The following PDE7B variants were observed in gnomAD, a reference collection of about 807,000 sequenced individuals.
PDE7B encodes the protein phosphodiesterase 7B, also known as 3',5'-cyclic-AMP phosphodiesterase 7B.
In PDE7B, 29 loss-of-function variants were observed where a neutral mutation model predicts 56.2. The observed-to-expected ratio is 0.52, with a 90% CI of 0.38 to 0.70. The LOEUF (loss-of-function observed/expected upper bound fraction) is 0.70. Among genes scored for constraint, PDE7B ranks in the 30% least tolerant of loss-of-function variants. PDE7B has a pLI of 0.00. For missense variants in PDE7B, 490 were observed against 565.0 expected (o/e 0.87, Z 1.35); for synonymous variants, 197 against 196.9 (o/e 1.00, Z 0.00).
At position 136,026,587 on chromosome 6, in the gene PDE7B, C is replaced by T. The variant is rs529190937; in HGVS notation, c.82+79063C>T. On this transcript the variant is annotated intron_variant, in intron 2 of 12. Transcript: ENST00000308191. ...GTTTCTACTGCTTTATACAATATCC[C>T]AACCACACAGGCAGTACAGCAGAGT... 2.6e-5 allele frequency among the ~76,000 whole-genome samples: 4 copies of T among 152,304 alleles called. No homozygotes were observed. The East Asian group carries it at 7.7e-4, about 29-fold the overall frequency.
chr6:136,150,364 T>C (rs897340052), intron 5 of PDE7B, among the ~76,000 whole-genome samples: 2 of 152,198 alleles, frequency 1.3e-5, no homozygotes, highest in African/African-American at 2.4e-5. Context: ...AGTCTTAAAT[T>C]CATTTAGTGT....
chr6:136,031,420 G>A (rs1776243600), intron 2 of PDE7B, among the ~76,000 whole-genome samples: 1 of 152,196 alleles, frequency 6.6e-6, no homozygotes, highest in South Asian at 2.1e-4. Context: ...GATACCATTT[G>A]GCATAGCTGT....
intron 2 of PDE7B, among the ~76,000 whole-genome samples, chr6:135,977,226 G>A (rs77037823): frequency 0.03 from 4,637 of 152,200 alleles, 208 homozygotes; most frequent in African/African-American, 0.099. Flanking sequence ...GGGCTTCTGA[G>A]AGGCTGAGGG....
At chr6:136,032,999 G>A (rs910547041) in intron 2 of PDE7B, among the ~76,000 whole-genome samples, 1 of 152,194 alleles carries the variant, frequency 6.6e-6, no homozygotes, top group Non-Finnish European at 1.5e-5. Flanking sequence ...CCTTGTTGTA[G>A]CTGTTTTCTA....
rs869049424 is a variant in PDE7B at position 135,906,810 on chromosome 6, G to GTTTTTTTTTTTT, written c.22-40639_22-40628dup. On this transcript the variant is annotated intron_variant, in intron 1 of 12. Coordinates refer to ENST00000308191, the MANE Select transcript of PDE7B (RefSeq NM_018945.4). Reference sequence around the variant, plus strand: ...TTTGACTCAAATGTTAATGAGGTTTGTTTTTTTTTTTTTTTTTTTTTTTTT... The same window carrying GTTTTTTTTTTTT: ...TTTGACTCAAATGTTAATGAGGTTTGTTTTTTTTTTTTTTTTTTTTTTTTTTTTTTTTTTTTT... Among the ~76,000 whole-genome samples, 4 of 59,506 alleles carry GTTTTTTTTTTTT rather than the reference G, an allele frequency of 6.7e-5. 1 individual carries two copies. The highest frequency in any genetic ancestry group is 1.1e-3 in the East Asian group (2 of 1,856). The allele number at this position is 59,506 out of a possible 152,430, so 39.0% of individuals were successfully genotyped here. A position where few individuals can be genotyped will look rare whatever the true frequency, so the allele number is the denominator to read the frequency against.
intron 2 of PDE7B, among the ~76,000 whole-genome samples, chr6:136,022,935 G>A (rs1291521192): frequency 1.3e-5 from 2 of 152,060 alleles, no homozygotes; most frequent in South Asian, 2.1e-4. Context: ...TTAAGTCTTC[G>A]AGATTAGAGA....
At chr6:136,070,737 ACTTTT>A (rs1777035885) in intron 2 of PDE7B, among the ~76,000 whole-genome samples, 1 of 152,168 alleles carries the variant, frequency 6.6e-6, no homozygotes, top group Non-Finnish European at 1.5e-5. Context: ...CAACATATTG[ACTTTT>A]TTATTATGAC....
At chr6:136,129,494 CT>C (rs1583896838) in intron 3 of PDE7B, among the ~76,000 whole-genome samples, 1 of 152,198 alleles carries the variant, frequency 6.6e-6, no homozygotes, top group Non-Finnish European at 1.5e-5. Context: ...AACCACACCC[CT>C]CCCCACTCCC....
intron 1 of PDE7B, among the ~76,000 whole-genome samples, chr6:135,866,879 G>A (rs1775271354): frequency 6.6e-6 from 1 of 152,132 alleles, no homozygotes; most frequent in African/African-American, 2.4e-5. Context: ...AAACCCTAGA[G>A]TAAGCTTAGC....
intron 1 of PDE7B, among the ~76,000 whole-genome samples, chr6:135,858,291 T>G (rs1219187017): frequency 6.6e-6 from 1 of 152,064 alleles, no homozygotes; most frequent in Non-Finnish European, 1.5e-5. Flanking sequence ...TAGCTGAGAT[T>G]ACAGGCATGC....
intron 2 of PDE7B, among the ~76,000 whole-genome samples, chr6:136,058,776 G>A (rs1776783623): frequency 6.6e-6 from 1 of 151,944 alleles, no homozygotes; most frequent in Non-Finnish European, 1.5e-5. Flanking sequence ...GAATTCAGGG[G>A]GAAAAATAGT....
chr6:136,071,439 G>A (rs1373078767), intron 2 of PDE7B: 2 of 152,130 alleles, frequency 1.3e-5, no homozygotes, highest in East Asian at 3.8e-4. Context: ...CAGAAAGGTT[G>A]GACAAGAGGA....
At chr6:135,964,440 G>A (rs1293535215) in intron 2 of PDE7B, among the ~76,000 whole-genome samples, 3 of 152,086 alleles carry the variant, frequency 2.0e-5, no homozygotes, top group African/African-American at 7.2e-5. Flanking sequence ...CATCATACTG[G>A]AGGGAAAATC....
chr6:135,982,051 T>C (rs1243791629), intron 2 of PDE7B, among the ~76,000 whole-genome samples: 1 of 152,142 alleles, frequency 6.6e-6, no homozygotes, highest in Non-Finnish European at 1.5e-5. Flanking sequence ...TCATTGTACA[T>C]GCAGTTTGTC....
chr6:136,178,452 T>G (rs1779014166), intron 9 of PDE7B, among the ~76,000 whole-genome samples: 1 of 152,238 alleles, frequency 6.6e-6, no homozygotes, highest in Non-Finnish European at 1.5e-5. Flanking sequence ...CTAATATATC[T>G]CTTGCCCACT....
intron 1 of PDE7B, among the ~76,000 whole-genome samples, chr6:135,920,433 T>G (rs543912845): frequency 6.6e-6 from 1 of 152,318 alleles, no homozygotes; most frequent in South Asian, 2.1e-4. Context: ...ATCCTAGTTT[T>G]CAACATCTAG....
chr6:136,161,451 C>T (rs1778703008), intron 8 of PDE7B, among the ~76,000 whole-genome samples: 1 of 152,206 alleles, frequency 6.6e-6, no homozygotes, highest in South Asian at 2.1e-4. Context: ...ACTAAGAATA[C>T]ACAGAGAGTA....
In PDE7B at chr6:135,870,495, ATTTATTTAGGTGATATGTAC is replaced by A. The variant is rs539163764; in HGVS notation, c.21+18479_21+18498del. 4.5e-3 allele frequency among the ~76,000 whole-genome samples: 677 copies of A among 151,640 alleles called. 12 individuals are homozygous for A. Among genetic ancestry groups the A allele is most frequent in the South Asian group, 0.02 (94 of 4,774 alleles). ...GAGTTCAGTAGTAAGTACTACCCCT[ATTTATTTAGGTGATATGTAC>A]TTGTGAAATGTACATTTCACAAGTA... On this transcript the variant is annotated intron_variant, in intron 1 of 12. Transcript: ENST00000308191.
chr6:135,888,849 A>T (rs541877508), intron 1 of PDE7B, among the ~76,000 whole-genome samples: 4 of 152,238 alleles, frequency 2.6e-5, no homozygotes, highest in African/African-American at 9.6e-5. Flanking sequence ...AAATGTGATT[A>T]ATATAATCTA....
Sources: allele counts gnomAD v4.1 joint callset (sites outside exome capture counted in the v4.1 genomes callset), GRCh38; gene constraint gnomAD v4.1.1; transcripts MANE v1.5; gene names NCBI Gene and HGNC (gene_info 2026-07-23, HGNC 2026-07-21).